The following FCHSD2 variants were observed in gnomAD, a reference collection of about 807,000 sequenced individuals.
FCHSD2 encodes the protein F-BAR and double SH3 domains protein 2.
Under a neutral mutation model 108.1 loss-of-function variants are expected in FCHSD2, and 38 were observed. The ratio of observed to expected loss-of-function variants is 0.35; its 90% CI spans 0.27 to 0.46. The LOEUF is 0.46. FCHSD2 is among the 20% of genes least tolerant of loss of function. The pLI, the probability that FCHSD2 is intolerant of heterozygous loss-of-function variation, is 1.00. For synonymous variants in FCHSD2, 279 were observed against 314.7 expected (o/e 0.89, Z 1.20); for missense variants, 751 against 897.8 (o/e 0.84, Z 2.09).
intron 14 of FCHSD2, among the ~76,000 whole-genome samples, chr11:72,849,027 C>T (rs1861218198): frequency 6.6e-6 from 1 of 152,182 alleles, no homozygotes; most frequent in Non-Finnish European, 1.5e-5. Flanking sequence ...GTCTGGGAAT[C>T]ACTGATATTG....
rs536682583 is a variant in FCHSD2, at chr11:73,104,013, T to C, written c.120-20273A>G. On this transcript the variant is annotated intron_variant, in intron 2 of 19. Coordinates refer to ENST00000409418, the MANE Select transcript of FCHSD2 (RefSeq NM_014824.3). ...ATACTAATACAAAAATACAAATAAA[T>C]GTTTTCTGTTATTAAACCCTTTAAA... Among the ~76,000 whole-genome samples the C allele has an allele frequency of 2.6e-5, 4 of 152,330 alleles. No homozygotes were observed. The South Asian group carries it at 6.2e-4, about 24-fold the overall frequency.
At chr11:72,923,197 A>G (rs1284201498) in intron 8 of FCHSD2, among the ~76,000 whole-genome samples, 3 of 152,096 alleles carry the variant, frequency 2.0e-5, no homozygotes, top group East Asian at 1.9e-4. Flanking sequence ...CCTTTTCCCC[A>G]TTTTTTGACT....
intron 12 of FCHSD2, among the ~76,000 whole-genome samples, chr11:72,868,496 G>A (rs1217162845): frequency 1.3e-5 from 2 of 151,966 alleles, no homozygotes; most frequent in African/African-American, 4.8e-5. Flanking sequence ...TAACAAACCC[G>A]CACATCCTGC....
intron 8 of FCHSD2, among the ~76,000 whole-genome samples, chr11:72,942,390 C>T (rs879633240): frequency 2.0e-5 from 3 of 152,158 alleles, no homozygotes; most frequent in Non-Finnish European, 4.4e-5. Flanking sequence ...TTTATATTAC[C>T]CAGCCTTGTG....
intron 5 of FCHSD2, among the ~76,000 whole-genome samples, chr11:72,994,398 T>TAGCAGC (rs1354115238): frequency 6.6e-6 from 1 of 152,130 alleles, no homozygotes; most frequent in Non-Finnish European, 1.5e-5. Flanking sequence ...GTAGTAGTAG[T>TAGCAGC]AGCAGCAGCA....
intron 14 of FCHSD2, among the ~76,000 whole-genome samples, chr11:72,846,094 A>AGATAGAT (rs10657358): frequency 0.085 from 4,283 of 50,278 alleles, 83 homozygotes; most frequent in Middle Eastern, 0.098. Flanking sequence ...ATAGATAGAT[A>AGATAGAT]AGTAGTTACG....
chr11:72,968,687 T>C (rs1856957311), intron 8 of FCHSD2, among the ~76,000 whole-genome samples: 1 of 152,234 alleles, frequency 6.6e-6, no homozygotes, highest in African/African-American at 2.4e-5. Flanking sequence ...GCAAACTTTC[T>C]CTGTTCTTGG....
At chr11:73,034,986 G>C (rs1858452087) in intron 3 of FCHSD2, among the ~76,000 whole-genome samples, 1 of 152,170 alleles carries the variant, frequency 6.6e-6, no homozygotes, top group Non-Finnish European at 1.5e-5. Context: ...TCAGACTCTA[G>C]AGGTGGGGCT....
intron 3 of FCHSD2, among the ~76,000 whole-genome samples, chr11:73,058,163 G>A (rs1030581783): frequency 1.3e-5 from 2 of 152,198 alleles, no homozygotes; most frequent in Non-Finnish European, 2.9e-5. Flanking sequence ...ACAGGCGTGA[G>A]CCACTGTGCC....
intron 8 of FCHSD2, among the ~76,000 whole-genome samples, chr11:72,959,894 T>C (rs1382591606): frequency 2.4e-5 from 3 of 123,864 alleles, no homozygotes; most frequent in Non-Finnish European, 5.4e-5. Flanking sequence ...GTATGTGTGA[T>C]ATCAATATAC....
At chr11:73,121,428 A>G (rs554310243) in intron 2 of FCHSD2, among the ~76,000 whole-genome samples, 12 of 152,348 alleles carry the variant, frequency 7.9e-5, no homozygotes, top group Middle Eastern at 3.4e-3. Flanking sequence ...ATAAAGCATT[A>G]TAAATATATA....
chr11:72,852,262 C>T (rs1591341821), intron 13 of FCHSD2, among the ~76,000 whole-genome samples: 1 of 152,288 alleles, frequency 6.6e-6, no homozygotes, highest in East Asian at 1.9e-4. Flanking sequence ...GACGCTTATA[C>T]ACTGCTGGTG....
At chr11:73,121,536 C>T (rs1860734646) in intron 2 of FCHSD2, among the ~76,000 whole-genome samples, 2 of 152,010 alleles carry the variant, frequency 1.3e-5, no homozygotes, top group African/African-American at 4.8e-5. Flanking sequence ...ATGATATCTG[C>T]CTCTTGGGTT....
intron 2 of FCHSD2, among the ~76,000 whole-genome samples, chr11:73,137,404 T>C (rs1458207018): frequency 6.6e-6 from 1 of 152,002 alleles, no homozygotes; most frequent in Non-Finnish European, 1.5e-5. Flanking sequence ...ACAAACAAGA[T>C]AGTGTAATTA....
intron 12 of FCHSD2, among the ~76,000 whole-genome samples, chr11:72,882,137 C>T (rs910937747): frequency 3.6e-5 from 5 of 139,744 alleles, no homozygotes; most frequent in African/African-American, 1.1e-4. Flanking sequence ...AGCAAGACTC[C>T]GTCTCAAAAA....
chr11:72,859,011 T>C (rs563605341), intron 13 of FCHSD2, among the ~76,000 whole-genome samples: 2 of 152,258 alleles, frequency 1.3e-5, no homozygotes, highest in Admixed American at 1.3e-4. Context: ...GGTTATGACA[T>C]AGGGAGAAGA....
chr11:73,134,132 C>A (rs1436091656), intron 2 of FCHSD2, among the ~76,000 whole-genome samples: 2 of 151,560 alleles, frequency 1.3e-5, no homozygotes, highest in African/African-American at 2.4e-5. Flanking sequence ...GATTAGATTA[C>A]CTCTAAGATC....
intron 2 of FCHSD2, among the ~76,000 whole-genome samples, chr11:73,107,561 C>T (rs1356770663): frequency 2.0e-5 from 3 of 152,174 alleles, no homozygotes; most frequent in African/African-American, 7.2e-5. Flanking sequence ...TGTTTATACC[C>T]ATTAACCATC....
At chr11:73,072,411 TTTTAATGAAGTTTTTTAAAACTTCC>T (rs1301436207) in intron 3 of FCHSD2, among the ~76,000 whole-genome samples, 14 of 152,164 alleles carry the variant, frequency 9.2e-5, no homozygotes, top group Non-Finnish European at 1.9e-4. Flanking sequence ...TTAATTAAAT[TTTTAATGAAGTTTTTTAAAACTTCC>T]TTTAATGAAG....
Sources: gnomAD v4.1 joint callset for allele counts (sites outside exome capture counted in the v4.1 genomes callset) on GRCh38, gnomAD v4.1.1 for gene constraint, MANE v1.5 for transcripts, NCBI Gene and HGNC (gene_info 2026-07-23, HGNC 2026-07-21) for gene names.